EWSR1: variants seen among roughly 807,000 people sequenced by gnomAD.
EWSR1 encodes the protein RNA-binding protein EWS.
In EWSR1, 14 loss-of-function variants were observed where a neutral mutation model predicts 92.1. The ratio of observed to expected loss-of-function variants is 0.15; its 90% confidence interval spans 0.10 to 0.24. EWSR1 has a LOEUF of 0.24. Ranked by LOEUF, EWSR1 falls within the 10% of genes least tolerant of loss-of-function variation. EWSR1 has a pLI of 1.00. For synonymous variants in EWSR1, 303 were observed against 292.9 expected (o/e 1.03, Z -0.35); for missense variants, 637 against 870.9 (o/e 0.73, Z 3.38).
chr22:29,274,340 T>TA, intron 4 of EWSR1: 1 of 1,583,514 alleles, frequency 6.3e-7, no homozygotes, highest in Non-Finnish European at 8.7e-7. Context: ...TCTAACCCTG[T>TA]AATGTTAATC....
At chr22:29,294,732 G>A (rs2147665741) in intron 11 of EWSR1, among the ~76,000 whole-genome samples, 1 of 152,084 alleles carries the variant, frequency 6.6e-6, no homozygotes, top group South Asian at 2.1e-4. Flanking sequence ...TGGCCAACGT[G>A]GTGAAACCCC....
chr22:29,285,123 T>TTG (rs386395171), intron 6 of EWSR1, among the ~76,000 whole-genome samples: 1 of 23,446 alleles, frequency 4.3e-5, no homozygotes, highest in African/African-American at 1.3e-4. Flanking sequence ...CTGGCCCTTG[T>TTG]TTTTTTTTTT....
rs1173840898 is a variant in EWSR1, at chr22:29,278,148, G to A, written c.345G>A (p.Gln115=). 2 of 1,614,080 alleles carry A rather than the reference G, an allele frequency of 1.2e-6. No homozygotes were observed. The highest frequency in any genetic ancestry group is 1.3e-5 in the African/African-American group (1 of 74,936). The change falls in exon 5 of 17, where the codon CAG becomes CAA. Residue 115 remains glutamine, a synonymous_variant. Transcript: ENST00000397938. ...VTTTQASYAA[Q]SAYGTQPAYP... is the part of the protein sequence containing the mutation. ...CCACCCAGGCCTCCTATGCAGCTCAGTCTGCATATGGCACTCAGCCTGCTT... is the reference window on the plus strand; with the variant it reads ...CCACCCAGGCCTCCTATGCAGCTCAATCTGCATATGGCACTCAGCCTGCTT...
At chr22:29,272,762 A>G (rs1419168775) in intron 3 of EWSR1, among the ~76,000 whole-genome samples, 1 of 152,218 alleles carries the variant, frequency 6.6e-6, no homozygotes. Context: ...GGATGATATG[A>G]CCATTCTGCA....
rs772073607 is a variant in EWSR1 at position 29,300,151 on chromosome 22, G to A, written c.1961G>A (p.Arg654Gln). The change falls in exon 17 of 17, where the codon CGG becomes CAG. Residue 654 changes from arginine (R) to glutamine (Q), a missense_variant. Arg to Gln is a conservative substitution (Grantham distance 43, BLOSUM62 1). Coordinates refer to ENST00000397938, the MANE Select transcript of EWSR1 (RefSeq NM_005243.4). ...GAGCACCGTCAGGAGCGCAGAGATC[G>A]GCCCTACTAGATGCAGAGACCCCGC... is the stretch of plus-strand genomic sequence containing the variant. The part of the protein sequence containing the change: ...KGEHRQERRD[R>Q]PY The A allele has an allele frequency of 1.2e-5, 19 of 1,602,934 alleles. No individual in the cohort carries two copies. The highest frequency in any genetic ancestry group is 1.5e-5 in the Non-Finnish European group (18 of 1,177,358).
chr22:29,278,172 T>C lies in EWSR1; in HGVS notation c.369T>C (p.Ala123=), dbSNP rs776204033. The C allele has an allele frequency of 3.7e-6, 6 of 1,614,128 alleles. No individual in the cohort carries two copies. Among genetic ancestry groups the C allele is most frequent in the Non-Finnish European group, 4.2e-6 (5 of 1,180,016 alleles). Residue 123 remains alanine, a synonymous_variant, in exon 5 of 17, where the codon GCT becomes GCC. Coordinates refer to ENST00000397938, the MANE Select transcript of EWSR1 (RefSeq NM_005243.4). ...AAQSAYGTQP[A]YPAYGQQPAA... Reference sequence around the variant, plus strand: ...AGTCTGCATATGGCACTCAGCCTGCTTATCCAGCCTATGGGCAGCAGCCAG... The same window carrying C: ...AGTCTGCATATGGCACTCAGCCTGCCTATCCAGCCTATGGGCAGCAGCCAG...
intron 1 of EWSR1, chr22:29,269,619 T>G (rs2058486781): frequency 6.6e-6 from 1 of 152,138 alleles, no homozygotes; most frequent in African/African-American, 2.4e-5. Context: ...TCCAGCAACT[T>G]AAGGACAGTT....
At chr22:29,293,087 A>C (rs912064342) in intron 11 of EWSR1, among the ~76,000 whole-genome samples, 1 of 152,032 alleles carries the variant, frequency 6.6e-6, no homozygotes, top group Non-Finnish European at 1.5e-5. Flanking sequence ...AGTGTTGCTC[A>C]ATCTCAGCCT....
In EWSR1 at chr22:29,285,126, T is replaced by TTG. The variant is rs1459034854; in HGVS notation, c.582-1796_582-1795insGT. Among the ~76,000 whole-genome samples, 5 of 142,834 alleles carry TTG rather than the reference T, an allele frequency of 3.5e-5. 1 individual carries two copies. Among genetic ancestry groups the TTG allele is most frequent in the African/African-American group, 1.4e-4 (5 of 36,332 alleles). The allele number at this position is 142,834 out of a possible 152,430, so 93.7% of individuals were successfully genotyped here. A position where few individuals can be genotyped will look rare whatever the true frequency, so the allele number is the denominator to read the frequency against. ...GAGCCACTGCTTCTGGCCCTTGTTT[T>TTG]TTTTTTTTTTTTTTTGAGATGGAGT... On this transcript the variant is annotated intron_variant, in intron 6 of 16. Coordinates refer to ENST00000397938, the MANE Select transcript of EWSR1 (RefSeq NM_005243.4).
At chr22:29,274,172 C>T in intron 4 of EWSR1, 1 of 1,355,004 alleles carries the variant, frequency 7.4e-7, no homozygotes, top group Non-Finnish European at 1.1e-6. Flanking sequence ...AATGAGTCTT[C>T]TTAAATTGAG....
chr22:29,272,250 G>T lies in EWSR1; in HGVS notation c.48G>T (p.Gln16His). 1 of 1,614,104 alleles carries T rather than the reference G, an allele frequency of 6.2e-7. No individual in the cohort carries two copies. Among genetic ancestry groups the T allele is most frequent in the Non-Finnish European group, 8.5e-7 (1 of 1,179,954 alleles). The change falls in exon 2 of 17, where the codon CAG becomes CAT. Residue 16 changes from glutamine to histidine, a missense_variant and splice_region_variant. Physicochemically the swap from Gln to His is conservative, Grantham distance 24. Around this residue, in one of 5 missense-constraint regions of EWSR1, gnomAD observed 144 missense variants for 189.0 expected, o/e 0.76. Coordinates refer to ENST00000397938, the MANE Select transcript of EWSR1 (RefSeq NM_005243.4). ...CCTATAGCCAAGCTGCAGCGCAGCA[G>T]GGGTAAGTCAGTCTTTTATAACCGT... ...YSTYSQAAAQ[Q>H]GYSAYTAQPT... is the part of the protein sequence containing the mutation.
At chr22:29,291,738 T>C in intron 9 of EWSR1, 139 bp downstream of exon 9, 2 of 764,372 alleles carry the variant, frequency 2.6e-6, no homozygotes, top group Non-Finnish European at 2.1e-6. Context: ...CTGCCGGCAT[T>C]GTCTTAGGGG....
At chr22:29,294,599 C>T (rs529575412) in intron 11 of EWSR1, among the ~76,000 whole-genome samples, 74 of 121,846 alleles carry the variant, frequency 6.1e-4, no homozygotes, top group Middle Eastern at 7.4e-3. Context: ...AGTGAGACTC[C>T]GCCTCAAAAA....
intron 7 of EWSR1, among the ~76,000 whole-genome samples, chr22:29,287,427 C>T (rs887791044): frequency 2.6e-5 from 4 of 152,216 alleles, no homozygotes; most frequent in East Asian, 3.9e-4. Context: ...AGGCTGGTCT[C>T]GAACTCCTGA....
intron 10 of EWSR1, 84 bp downstream of exon 10, chr22:29,292,253 C>A: frequency 7.6e-7 from 1 of 1,308,134 alleles, no homozygotes; most frequent in Non-Finnish European, 1.1e-6. Flanking sequence ...AGTTCAGCAG[C>A]CTTATAGACC....
At position 29,299,845 on chromosome 22, in the gene EWSR1, T is replaced by C. The variant is rs1360429823; in HGVS notation, c.1925T>C (p.Met642Thr). The change falls in exon 16 of 17, where the codon ATG becomes ACG. Residue 642 changes from methionine (M) to threonine (T), a missense_variant. Around this residue, in one of 5 missense-constraint regions of EWSR1, gnomAD observed 363 missense variants for 447.8 expected, o/e 0.81. Transcript: ENST00000397938. ...GGAGGACGTGGAGGACCTGGAAAAA[T>C]GGATAAGTAAGTGCTGGTGAAAAGC... Reference protein sequence around the residue: ...RRGGRGGPGKMDKGEHRQERR... With the variant: ...RRGGRGGPGKTDKGEHRQERR... 1 of 1,539,736 alleles carries C rather than the reference T, an allele frequency of 6.5e-7. No individual in the cohort carries two copies. Among genetic ancestry groups the C allele is most frequent in the Non-Finnish European group, 8.8e-7 (1 of 1,140,846 alleles).
chr22:29,281,195 A>G (rs1054255779), intron 5 of EWSR1, among the ~76,000 whole-genome samples: 9 of 151,674 alleles, frequency 5.9e-5, no homozygotes, highest in Non-Finnish European at 1.3e-4. Context: ...TTGTATTTCT[A>G]GTAGAGACGG....
At position 29,297,841 on chromosome 22, in the gene EWSR1, G is replaced by T; in HGVS notation, c.1309G>T (p.Gly437Trp). The change falls in exon 13 of 17, where the codon GGG becomes TGG. Residue 437 changes from glycine to tryptophan, a missense_variant. This residue lies in a region of EWSR1 where 363 missense variants were observed against 447.8 expected (regional missense o/e 0.81). Transcript: ENST00000397938. ...VEWFDGKDFQ[G>W]SKLKVSLARK... ...TCTTGTTCCAGGGAAAGATTTTCAA[G>T]GGAGCAAACTTAAAGTCTCCCTTGC... 6.2e-7 allele frequency: 1 copy of T among 1,613,950 alleles called. No individual in the cohort carries two copies. The highest frequency in any genetic ancestry group is 1.1e-5 in the South Asian group (1 of 91,072).
intron 6 of EWSR1, among the ~76,000 whole-genome samples, chr22:29,282,819 G>A (rs2059714078): frequency 6.7e-6 from 1 of 148,470 alleles, no homozygotes; most frequent in African/African-American, 2.5e-5. Context: ...CTGGAGTGCA[G>A]TGGCGCGATC....
Sources: allele counts gnomAD v4.1 joint callset (sites outside exome capture counted in the v4.1 genomes callset), GRCh38; gene constraint gnomAD v4.1.1; regional missense constraint gnomAD v4.1.1; transcripts MANE v1.5; gene names NCBI Gene and HGNC (gene_info 2026-07-23, HGNC 2026-07-21).